Variants in CDK19 observed in about 807,000 individuals in gnomAD.
CDK19 encodes cyclin-dependent kinase 19.
A neutral mutation model predicts 68.3 loss-of-function variants in CDK19; 20 were observed. The ratio of observed to expected loss-of-function variants is 0.29; its 90% CI spans 0.21 to 0.43. The LOEUF (loss-of-function observed/expected upper bound fraction) is 0.43, where lower values mean the gene tolerates loss of function less well. Among genes scored for constraint, CDK19 ranks in the 20% least tolerant of loss-of-function variants. The pLI, the probability that CDK19 is intolerant of heterozygous loss-of-function variation, is 1.00. For synonymous variants in CDK19, 221 were observed against 222.8 expected, an observed-to-expected ratio of 0.99 and a Z score of 0.07; for missense variants, 339 against 623.5, an observed-to-expected ratio of 0.54 and a Z score of 4.86.
In CDK19 at chr6:110,652,894, A is replaced by G. The variant is rs377469809; in HGVS notation, c.457-14188T>C. Among the ~76,000 whole-genome samples the G allele has an allele frequency of 2.7e-4, 41 of 152,322 alleles. 2 individuals are homozygous for G. The East Asian group carries it at 7.1e-3, about 26-fold the overall frequency. On this transcript the variant is annotated intron_variant, in intron 4 of 12. Transcript: ENST00000368911. ...GTCTGAGATGAGGGCAGAGGCAGTG[A>G]CATCGTTTAAGGGAGTAGTAGCTTA...
intron 1 of CDK19, among the ~76,000 whole-genome samples, chr6:110,814,352 A>T (rs1783388747): frequency 6.6e-6 from 1 of 152,206 alleles, no homozygotes; most frequent in South Asian, 2.1e-4. Context: ...TCTCCTTCGA[A>T]GGGGGAAGGT....
At chr6:110,675,900 A>G (rs1771487425) in intron 2 of CDK19, among the ~76,000 whole-genome samples, 1 of 152,252 alleles carries the variant, frequency 6.6e-6, no homozygotes, top group South Asian at 2.1e-4. Context: ...TCCATTCTGC[A>G]GCCCGTGAAT....
At position 110,667,576 on chromosome 6, in the gene CDK19, T is replaced by A; in HGVS notation, c.316-2A>T. The A allele has an allele frequency of 6.8e-7, 1 of 1,466,328 alleles. No homozygotes were observed. Among genetic ancestry groups the A allele is most frequent in the Admixed American group, 2.1e-5 (1 of 48,334 alleles). 90.8% of individuals were successfully genotyped at this position (1,466,328 alleles called of 1,614,324 possible). On this transcript the variant is annotated splice_acceptor_variant, in intron 3 of 12. Transcript: ENST00000368911. LOFTEE classifies it high-confidence loss of function. ...TGCACGGTGAAACTTAATAATATGC[T>A]AAAAATTAAAAAAAAACATAATAAT...
chr6:110,809,409 C>A (rs955375786), intron 1 of CDK19, among the ~76,000 whole-genome samples: 2 of 151,818 alleles, frequency 1.3e-5, no homozygotes, highest in Non-Finnish European at 2.9e-5. Flanking sequence ...GTCCTAGCTA[C>A]GCAAGAGCCT....
intron 4 of CDK19, chr6:110,646,220 C>T: frequency 6.9e-6 from 10 of 1,447,504 alleles, no homozygotes; most frequent in South Asian, 1.3e-5. Flanking sequence ...CGGGGTCCGA[C>T]GCGCAGGAGC....
At chr6:110,674,946 A>G (rs1424452965) in intron 2 of CDK19, among the ~76,000 whole-genome samples, 1 of 151,968 alleles carries the variant, frequency 6.6e-6, no homozygotes, top group Non-Finnish European at 1.5e-5. Context: ...ACAAGGCCCT[A>G]ATTCTCTTCA....
chr6:110,751,298 T>A (rs1409409160), intron 1 of CDK19, among the ~76,000 whole-genome samples: 1 of 152,124 alleles, frequency 6.6e-6, no homozygotes, highest in Non-Finnish European at 1.5e-5. Context: ...ATCACACCCA[T>A]TACCACCTGA....
At position 110,773,033 on chromosome 6, in the gene CDK19, T is replaced by C. The variant is rs931836997; in HGVS notation, c.129-26832A>G. 4.2e-5 allele frequency among the ~76,000 whole-genome samples: 6 copies of C among 143,922 alleles called. No homozygotes were observed. The East Asian group carries it at 6.0e-4, about 14-fold the overall frequency. The allele number at this position is 143,922 out of a possible 152,430, so 94.4% of individuals were successfully genotyped here. A position where few individuals can be genotyped will look rare whatever the true frequency, so the allele number is the denominator to read the frequency against. On this transcript the variant is annotated intron_variant, in intron 1 of 12. Coordinates refer to ENST00000368911, the MANE Select transcript of CDK19 (RefSeq NM_015076.5). The stretch of plus-strand genomic sequence containing the variant: ...GGGCTCAAGGCCAGCCTGGGCAACA[T>C]GGGGAAACCCCGTCTCTTAAAAAAA...
At chr6:110,813,816 G>C (rs1481324142) in intron 1 of CDK19, 1 of 152,182 alleles carries the variant, frequency 6.6e-6, no homozygotes, top group Non-Finnish European at 1.5e-5. Context: ...ACAAAGATAA[G>C]CGGCACTTCA....
intron 2 of CDK19, among the ~76,000 whole-genome samples, chr6:110,733,869 C>T (rs911723102): frequency 6.6e-6 from 1 of 152,012 alleles, no homozygotes; most frequent in Non-Finnish European, 1.5e-5. Context: ...CAACTTTAAG[C>T]ATTATTGATT....
At chr6:110,783,602 C>T (rs1312792441) in intron 1 of CDK19, among the ~76,000 whole-genome samples, 1 of 150,630 alleles carries the variant, frequency 6.6e-6, no homozygotes, top group Admixed American at 6.6e-5. Context: ...CACACCATTG[C>T]TCTCCAGCCT....
intron 2 of CDK19, among the ~76,000 whole-genome samples, chr6:110,729,107 T>G (rs1340975076): frequency 6.6e-6 from 1 of 152,152 alleles, no homozygotes. Flanking sequence ...ATAATTATTA[T>G]TCTCCCTATT....
chr6:110,721,099 TCGTGGTGACA>T (rs1775843344), intron 2 of CDK19, among the ~76,000 whole-genome samples: 1 of 149,666 alleles, frequency 6.7e-6, no homozygotes, highest in Non-Finnish European at 1.5e-5. Context: ...AATTAGCTGG[TCGTGGTGACA>T]GGCGCCTGTA....
chr6:110,801,358 G>A (rs368270558), intron 1 of CDK19, among the ~76,000 whole-genome samples: 2 of 152,058 alleles, frequency 1.3e-5, no homozygotes, highest in African/African-American at 2.4e-5. Flanking sequence ...AATGGTGTAC[G>A]CCTGTGGTCC....
intron 1 of CDK19, among the ~76,000 whole-genome samples, chr6:110,748,546 C>A (rs1045856080): frequency 2.0e-5 from 3 of 152,194 alleles, no homozygotes; most frequent in Non-Finnish European, 4.4e-5. Flanking sequence ...TGTAAACTAA[C>A]TGTCAGATGG....
At chr6:110,623,669 G>C (rs184942736) in intron 8 of CDK19, among the ~76,000 whole-genome samples, 1 of 151,364 alleles carries the variant, frequency 6.6e-6, no homozygotes, top group African/African-American at 2.4e-5. Context: ...GAGTCAAAGA[G>C]ATGATTTTGT....
rs1318183421 is a variant in CDK19 at position 110,621,131 on chromosome 6, A to C, written c.1350T>G (p.Gly450=). ...GATAATCCGAGGGCATCACAGGTCCACCTGAGTTTGCGCCTGAAGGCCCTA... is the reference window on the plus strand; with the variant it reads ...GATAATCCGAGGGCATCACAGGTCCCCCTGAGTTTGCGCCTGAAGGCCCTA... The part of the protein sequence containing the change: ...PRLGPSGANS[G]GPVMPSDYQH... The change falls in exon 12 of 13, where the codon GGT becomes GGG. Residue 450 remains glycine, a synonymous_variant. Coordinates refer to ENST00000368911, the MANE Select transcript of CDK19 (RefSeq NM_015076.5). The surrounding 1 kb of genome is among the most constrained non-coding windows in gnomAD (Gnocchi z 5.4). The C allele has an allele frequency of 6.2e-7, 1 of 1,613,936 alleles. No individual in the cohort carries two copies. The highest frequency in any genetic ancestry group is 8.5e-7 in the Non-Finnish European group (1 of 1,179,914).
rs114014093 is a variant in CDK19 at position 110,728,757 on chromosome 6, G to A, written c.204+17369C>T. Among the ~76,000 whole-genome samples, 521 of 152,194 alleles carry A rather than the reference G, an allele frequency of 3.4e-3. 2 individuals carry two copies. The highest frequency in any genetic ancestry group is 0.012 in the African/African-American group (478 of 41,542). Reference sequence around the variant, plus strand: ...TATACTCTCAAATGTGGCATGCTGCGTCATGCTTATACACAATGTTCCCTC... The same window carrying A: ...TATACTCTCAAATGTGGCATGCTGCATCATGCTTATACACAATGTTCCCTC... On this transcript the variant is annotated intron_variant, in intron 2 of 12. Coordinates refer to ENST00000368911, the MANE Select transcript of CDK19 (RefSeq NM_015076.5).
chr6:110,786,794 A>G (rs1474394289), intron 1 of CDK19, among the ~76,000 whole-genome samples: 3 of 152,218 alleles, frequency 2.0e-5, no homozygotes, highest in East Asian at 3.9e-4. Flanking sequence ...TAGGGAACAA[A>G]GCATTGATGG....
Sources: gnomAD v4.1 joint callset for allele counts (sites outside exome capture counted in the v4.1 genomes callset) on GRCh38, gnomAD v4.1.1 for gene constraint, Gnocchi (gnomAD v3.1) non-coding constraint, MANE v1.5 for transcripts, NCBI Gene and HGNC (gene_info 2026-07-23, HGNC 2026-07-21) for gene names.